Variants in PDZD2 observed in about 807,000 individuals in gnomAD.
The protein encoded by PDZD2 is PDZ domain containing 2, also known as PDZ domain-containing protein 2.
PDZD2 carries 90 observed loss-of-function variants against 220.7 expected under a neutral mutation model. The ratio of observed to expected loss-of-function variants is 0.41; its 90% CI spans 0.34 to 0.49. PDZD2 has a LOEUF of 0.49. PDZD2 is among the 20% of genes least tolerant of loss of function. The pLI is 0.28. For synonymous variants in PDZD2, 1,375 were observed against 1,450.5 expected (o/e 0.95, Z 1.18); for missense variants, 3,174 against 3,608.5 (o/e 0.88, Z 3.08).
chr5:32,020,591 T>TAGTTTC (rs1400363481), intron 6 of PDZD2, among the ~76,000 whole-genome samples: 1 of 152,146 alleles, frequency 6.6e-6, no homozygotes, highest in East Asian at 1.9e-4. Flanking sequence ...GATCCTCACT[T>TAGTTTC]AGTTTCAGTT....
chr5:31,917,633 A>G (rs1743804226), intron 2 of PDZD2, among the ~76,000 whole-genome samples: 1 of 152,232 alleles, frequency 6.6e-6, no homozygotes. Flanking sequence ...TGAGACTTGT[A>G]TTAGTCTGTT....
chr5:31,751,721 G>A (rs1448357326), intron 1 of PDZD2, among the ~76,000 whole-genome samples: 1 of 152,128 alleles, frequency 6.6e-6, no homozygotes, highest in Non-Finnish European at 1.5e-5. Context: ...CACTGAGCCT[G>A]CCCCCCAGTT....
intron 1 of PDZD2, among the ~76,000 whole-genome samples, chr5:31,743,062 T>C (rs1393534994): frequency 6.6e-6 from 1 of 152,226 alleles, no homozygotes; most frequent in Non-Finnish European, 1.5e-5. Context: ...ATGAATAGCA[T>C]TAGTACTCTT....
At chr5:32,009,841 C>A (rs1204474980) in intron 5 of PDZD2, among the ~76,000 whole-genome samples, 1 of 152,192 alleles carries the variant, frequency 6.6e-6, no homozygotes, top group East Asian at 1.9e-4. Context: ...CCTGTAATCC[C>A]AGCATTTTGG....
At chr5:31,718,145 G>A (rs1367008445) in intron 1 of PDZD2, among the ~76,000 whole-genome samples, 1 of 152,216 alleles carries the variant, frequency 6.6e-6, no homozygotes, top group African/African-American at 2.4e-5. Context: ...AAGACGCTAA[G>A]GAGGGCAGGA....
intron 2 of PDZD2, among the ~76,000 whole-genome samples, chr5:31,918,507 T>C (rs921704436): frequency 6.6e-5 from 10 of 152,156 alleles, no homozygotes; most frequent in African/African-American, 1.9e-4. Context: ...AGTCAGCAAA[T>C]GGAAAGGACA....
At chr5:31,987,580 C>T (rs1750816079) in intron 3 of PDZD2, among the ~76,000 whole-genome samples, 1 of 152,212 alleles carries the variant, frequency 6.6e-6, no homozygotes, top group East Asian at 1.9e-4. Flanking sequence ...TGTGTCTGAG[C>T]CCTCAGCTCT....
chr5:32,077,830 A>ATG (rs1382660224), intron 19 of PDZD2: 13 of 436,158 alleles, frequency 3.0e-5, no homozygotes, highest in Non-Finnish European at 3.9e-5. Context: ...GGTGGTGCGC[A>ATG]CCTTTAATCC....
intron 2 of PDZD2, among the ~76,000 whole-genome samples, chr5:31,969,581 G>C (rs1749108237): frequency 6.8e-6 from 1 of 148,018 alleles, no homozygotes; most frequent in Non-Finnish European, 1.5e-5. Flanking sequence ...GGGGTAAGTG[G>C]CTCTAGAGAT....
intron 1 of PDZD2, among the ~76,000 whole-genome samples, chr5:31,721,299 G>A (rs1271928502): frequency 6.6e-6 from 1 of 152,172 alleles, no homozygotes; most frequent in Non-Finnish European, 1.5e-5. Context: ...CAGAAGAAAA[G>A]ATAGATTGGA....
At chr5:31,858,304 C>T (rs1423365749) in intron 2 of PDZD2, among the ~76,000 whole-genome samples, 2 of 152,094 alleles carry the variant, frequency 1.3e-5, no homozygotes, top group South Asian at 2.1e-4. Context: ...CTTCCTTCTC[C>T]TCTGGGACAC....
At chr5:31,808,793 A>G (rs1169659030) in intron 2 of PDZD2, among the ~76,000 whole-genome samples, 1 of 152,148 alleles carries the variant, frequency 6.6e-6, no homozygotes, top group Non-Finnish European at 1.5e-5. Flanking sequence ...CCTGGCCAAC[A>G]TAGTGAAACC....
At chr5:31,710,209 G>A (rs1199253295) in intron 1 of PDZD2, among the ~76,000 whole-genome samples, 1 of 152,130 alleles carries the variant, frequency 6.6e-6, no homozygotes, top group Non-Finnish European at 1.5e-5. Context: ...TGAACTACTC[G>A]AACTCCCTTT....
At chr5:31,891,127 CTTTTTTTTTTTTTTTT>C (rs869189606) in intron 2 of PDZD2, among the ~76,000 whole-genome samples, 5 of 96,420 alleles carry the variant, frequency 5.2e-5, no homozygotes, top group Admixed American at 2.4e-4. Context: ...GGGGTTTTTC[CTTTTTTTTTTTTTTTT>C]TTTTTTTTTT....
rs1561499223 is a variant in PDZD2, at chr5:31,840,431, TATATATATATA to T, written c.476+40708_476+40718del. Reference sequence around the variant, plus strand: ...ATATATATATATATATATATATATATATATATATATATATATATTTGTTTATAGTCCAGAGG... The same window carrying T: ...ATATATATATATATATATATATATATTATATATTTGTTTATAGTCCAGAGG... On this transcript the variant is annotated intron_variant, in intron 2 of 24. Coordinates refer to ENST00000438447, the MANE Select transcript of PDZD2 (RefSeq NM_178140.4). 79 of 98,184 alleles carry T rather than the reference TATATATATATA, an allele frequency of 8.0e-4. 5 individuals carry two copies. The highest frequency in any genetic ancestry group is 7.8e-3 in the East Asian group (19 of 2,440). 6.1% of individuals were successfully genotyped at this position (98,184 alleles called of 1,614,324 possible).
At chr5:31,697,399 G>A (rs943705055) in intron 1 of PDZD2, among the ~76,000 whole-genome samples, 1 of 152,212 alleles carries the variant, frequency 6.6e-6, no homozygotes, top group African/African-American at 2.4e-5. Flanking sequence ...GGAAGCAGAG[G>A]TTGCAGTCAG....
intron 2 of PDZD2, among the ~76,000 whole-genome samples, chr5:31,924,451 G>A (rs1744563034): frequency 1.3e-5 from 2 of 152,192 alleles, no homozygotes; most frequent in African/African-American, 4.8e-5. Context: ...AGGCTTTCCT[G>A]AAGACGCACT....
chr5:32,104,729 A>AG lies in PDZD2; in HGVS notation c.8354-3240_8354-3239insG, dbSNP rs1195193874. On this transcript the variant is annotated intron_variant, in intron 24 of 24. Transcript: ENST00000438447. Reference sequence around the variant, plus strand: ...GAAGGCTCCATCTAAAAAAAAAAAAAAAAAAAAAAAAAAAAAACATATAAA... The same window carrying AG: ...GAAGGCTCCATCTAAAAAAAAAAAAAGAAAAAAAAAAAAAAAAACATATAAA... 2.1e-5 allele frequency among the ~76,000 whole-genome samples: 3 copies of AG among 141,674 alleles called. No homozygotes were observed. In the East Asian group the frequency reaches 6.0e-4, roughly 28 times the overall value. 92.9% of individuals were successfully genotyped at this position (141,674 alleles called of 152,430 possible). A position where few individuals can be genotyped will look rare whatever the true frequency, so the allele number is the denominator to read the frequency against.
chr5:31,640,127 T>G (rs1481092321), intron 1 of PDZD2, among the ~76,000 whole-genome samples: 1 of 147,678 alleles, frequency 6.8e-6, no homozygotes, highest in African/African-American at 2.4e-5. Flanking sequence ...TTTTAAGTCT[T>G]TGAGCTGCCT....
Sources: gnomAD v4.1 joint callset for allele counts (sites outside exome capture counted in the v4.1 genomes callset) on GRCh38, gnomAD v4.1.1 for gene constraint, MANE v1.5 for transcripts, NCBI Gene and HGNC (gene_info 2026-07-23, HGNC 2026-07-21) for gene names.